ZNF236: variants seen among roughly 807,000 people sequenced by gnomAD.
The protein encoded by ZNF236 is zinc finger protein 236.
ZNF236 carries 50 observed loss-of-function variants against 191.2 expected under a neutral mutation model. The ratio of observed to expected loss-of-function variants is 0.26; its 90% CI spans 0.21 to 0.33. The LOEUF (loss-of-function observed/expected upper bound fraction) is 0.33. Ranked by LOEUF, ZNF236 falls within the 10% of genes least tolerant of loss-of-function variation. The pLI, the probability that ZNF236 is intolerant of heterozygous loss-of-function variation, is 1.00. For missense variants in ZNF236, 1,754 were observed against 2,374.5 expected (o/e 0.74, Z 5.43); for synonymous variants, 907 against 928.8 (o/e 0.98, Z 0.43).
chr18:76,968,467 T>C lies in ZNF236; in HGVS notation c.*128T>C. ...TACAATAGTTTTTTATCTATAAAAT[T>C]ATCTAAAGAATCATTGTCTTTCAGA... On this transcript the variant is annotated 3_prime_UTR_variant, in exon 31 of 31. Transcript: ENST00000320610. 6.9e-7 allele frequency: 1 copy of C among 1,458,948 alleles called. No individual in the cohort carries two copies. Among genetic ancestry groups the C allele is most frequent in the Non-Finnish European group, 8.9e-7 (1 of 1,118,694 alleles). 90.4% of individuals were successfully genotyped at this position (1,458,948 alleles called of 1,614,324 possible).
chr18:76,959,617 G>C (rs1024562559), intron 28 of ZNF236, 70 bp from the exon 29 acceptor site: 4 of 1,524,934 alleles, frequency 2.6e-6, no homozygotes, highest in Non-Finnish European at 1.8e-6. Flanking sequence ...GCAGTGATTT[G>C]CTTCCTCTTG....
At chr18:76,857,251 C>A (rs575561086) in intron 3 of ZNF236, among the ~76,000 whole-genome samples, 3 of 152,218 alleles carry the variant, frequency 2.0e-5, no homozygotes, top group Non-Finnish European at 2.9e-5. Context: ...TTATTACTCA[C>A]TCTCTCATCC....
chr18:76,913,450 C>T (rs2122775980), intron 17 of ZNF236, among the ~76,000 whole-genome samples: 1 of 152,168 alleles, frequency 6.6e-6, no homozygotes, highest in East Asian at 1.9e-4. Flanking sequence ...GAGAGAGTTT[C>T]TAATTAATCA....
chr18:76,901,148 GA>G (rs1288553880), intron 11 of ZNF236, among the ~76,000 whole-genome samples: 2 of 152,116 alleles, frequency 1.3e-5, no homozygotes, highest in African/African-American at 4.8e-5. Context: ...ACATATAATG[GA>G]ATTGGAGATA....
intron 1 of ZNF236, among the ~76,000 whole-genome samples, chr18:76,825,198 C>T (rs999225339): frequency 3.9e-5 from 6 of 152,298 alleles, no homozygotes; most frequent in South Asian, 2.1e-4. Flanking sequence ...AGTGATTTAG[C>T]GTCTTCAGAG....
chr18:76,824,789 C>G (rs1329399170), intron 1 of ZNF236, among the ~76,000 whole-genome samples: 3 of 152,130 alleles, frequency 2.0e-5, no homozygotes, highest in East Asian at 3.9e-4. Flanking sequence ...CAGCTTCTAC[C>G]TCGGGAATGT....
chr18:76,951,182 A>G (rs1968398383), intron 27 of ZNF236, among the ~76,000 whole-genome samples: 1 of 152,234 alleles, frequency 6.6e-6, no homozygotes, highest in Non-Finnish European at 1.5e-5. Context: ...CATTGGCTTC[A>G]ACTTAAAGTC....
intron 3 of ZNF236, among the ~76,000 whole-genome samples, chr18:76,862,987 T>C (rs180863683): frequency 1.6e-4 from 24 of 151,784 alleles, no homozygotes; most frequent in Admixed American, 4.6e-4. Flanking sequence ...TTGAAACAAA[T>C]GAAAAAACAG....
At chr18:76,830,095 TC>T (rs11362419) in intron 1 of ZNF236, among the ~76,000 whole-genome samples, 1,713 of 152,234 alleles carry the variant, frequency 0.011, 24 homozygotes, top group African/African-American at 0.039. Flanking sequence ...GGTCTTGATC[TC>T]CTGACCTTGT....
chr18:76,911,113 G>T (rs955730226), intron 16 of ZNF236, among the ~76,000 whole-genome samples: 1 of 152,164 alleles, frequency 6.6e-6, no homozygotes, highest in African/African-American at 2.4e-5. Flanking sequence ...GTACTATGTT[G>T]CTTTAGGCAC....
intron 26 of ZNF236, among the ~76,000 whole-genome samples, chr18:76,945,855 C>T (rs1968247486): frequency 1.3e-5 from 2 of 152,126 alleles, no homozygotes; most frequent in Non-Finnish European, 2.9e-5. Flanking sequence ...ATGGAGATAC[C>T]TAAAATAGCC....
chr18:76,839,402 T>A (rs1161411067), intron 1 of ZNF236, among the ~76,000 whole-genome samples: 1 of 152,262 alleles, frequency 6.6e-6, no homozygotes, highest in Non-Finnish European at 1.5e-5. Flanking sequence ...ATTGTCTGTC[T>A]TTTTAGTTGT....
chr18:76,901,856 G>T (rs73968231), intron 11 of ZNF236, among the ~76,000 whole-genome samples: 3 of 152,148 alleles, frequency 2.0e-5, no homozygotes, highest in Non-Finnish European at 4.4e-5. Context: ...GCATAGAATG[G>T]GATCAAAACC....
Position 76,849,586 on chromosome 18 carries a change from A to G in ZNF236, c.116A>G (p.His39Arg), listed in dbSNP as rs1229661529. ...TNYAYQVPNF[H>R]KCEICLLSFP... is the part of the protein sequence containing the mutation. ...TATGCCTATCAAGTTCCAAACTTCCATAAATGTGAAATCTGTCTACTATCT... is the reference window on the plus strand; with the variant it reads ...TATGCCTATCAAGTTCCAAACTTCCGTAAATGTGAAATCTGTCTACTATCT... Residue 39 changes from histidine (H) to arginine (R), a missense_variant, in exon 2 of 31, where the codon CAT becomes CGT. Around this residue, in one of 5 missense-constraint regions of ZNF236, gnomAD observed 336 missense variants for 495.1 expected, o/e 0.68. Transcript: ENST00000320610. 9 of 1,612,270 alleles carry G rather than the reference A, an allele frequency of 5.6e-6. No individual in the cohort carries two copies. The highest frequency in any genetic ancestry group is 2.2e-5 in the East Asian group (1 of 44,770).
intron 26 of ZNF236, among the ~76,000 whole-genome samples, chr18:76,943,063 T>TA (rs1177638898): frequency 7.5e-6 from 1 of 133,038 alleles, no homozygotes; most frequent in Admixed American, 8.8e-5. Flanking sequence ...GTGGAGGTTG[T>TA]AGTAAGCCGA....
intron 6 of ZNF236, among the ~76,000 whole-genome samples, chr18:76,877,719 T>C (rs1345244881): frequency 6.6e-6 from 1 of 152,230 alleles, no homozygotes; most frequent in Non-Finnish European, 1.5e-5. Flanking sequence ...GCCTGACAGT[T>C]TGTTTTTGTT....
chr18:76,914,172 C>T (rs1400977655), intron 18 of ZNF236, among the ~76,000 whole-genome samples: 1 of 152,170 alleles, frequency 6.6e-6, no homozygotes, highest in African/African-American at 2.4e-5. Context: ...ATAGATTTGC[C>T]TGTCCTGGGT....
chr18:76,917,010 T>C (rs1255321038), intron 19 of ZNF236, among the ~76,000 whole-genome samples: 5 of 152,224 alleles, frequency 3.3e-5, no homozygotes, highest in African/African-American at 1.2e-4. Context: ...CTCTGCTGTT[T>C]TGAGGAATAA....
intron 27 of ZNF236, among the ~76,000 whole-genome samples, chr18:76,950,177 G>A (rs112315320): frequency 0.012 from 1,786 of 152,084 alleles, 24 homozygotes; most frequent in African/African-American, 0.04. Context: ...AGTTTGCTGC[G>A]TTGATTCTTC....
Sources: gnomAD v4.1 joint callset for allele counts (sites outside exome capture counted in the v4.1 genomes callset) on GRCh38, gnomAD v4.1.1 for gene constraint, gnomAD v4.1.1 regional missense constraint, MANE v1.5 for transcripts, NCBI Gene and HGNC (gene_info 2026-07-23, HGNC 2026-07-21) for gene names.